The following DDO variants were observed in gnomAD, a reference collection of about 807,000 sequenced individuals.
DDO encodes D-aspartate oxidase.
A neutral mutation model predicts 16.8 loss-of-function variants in DDO; 16 were observed. That is an observed-to-expected ratio of 0.95 (90% CI 0.65 to 1.45). The LOEUF is 1.45. Among genes scored for constraint, DDO ranks in the 40% most tolerant of loss-of-function variants. The pLI is 0.00. For missense variants in DDO, 429 were observed against 420.3 expected, an observed-to-expected ratio of 1.02 and a Z score of -0.18; for synonymous variants, 180 against 167.2, an observed-to-expected ratio of 1.08 and a Z score of -0.59.
At position 110,411,940 on chromosome 6, in the gene DDO, G is replaced by T. The variant is rs560382070; in HGVS notation, c.172+1351C>A. ...GTGGAAAATACAGAAAGGAAAGGAC[G>T]CATGGACATGTTCAAAAATCAATGC... On this transcript the variant is annotated intron_variant, in intron 2 of 4. Coordinates refer to ENST00000368924, the MANE Select transcript of DDO (RefSeq NM_001372108.2). Among the ~76,000 whole-genome samples the T allele has an allele frequency of 1.8e-4, 28 of 152,226 alleles. 1 individual carries two copies. In the South Asian group the frequency reaches 5.4e-3, roughly 29 times the overall value.
intron 2 of DDO, 76 bp from the exon 3 acceptor site, chr6:110,408,518 C>A: frequency 1.5e-6 from 2 of 1,346,698 alleles, no homozygotes; most frequent in Admixed American, 2.2e-5. Context: ...TAAGCTCCTT[C>A]CTAGAAACTT....
At chr6:110,414,419 G>A (rs1229007166) in intron 1 of DDO, among the ~76,000 whole-genome samples, 2 of 152,198 alleles carry the variant, frequency 1.3e-5, no homozygotes, top group Non-Finnish European at 2.9e-5. Flanking sequence ...TCCTTTGGGT[G>A]GTAAATAAGA....
chr6:110,412,200 G>C (rs1773881529), intron 2 of DDO, among the ~76,000 whole-genome samples: 1 of 151,676 alleles, frequency 6.6e-6, no homozygotes, highest in Non-Finnish European at 1.5e-5. Context: ...GAGTCAGTGA[G>C]CCAGGATCGT....
chr6:110,390,995 G>A (rs1386346530), downstream of DDO, among the ~76,000 whole-genome samples: 1 of 152,142 alleles, frequency 6.6e-6, no homozygotes, highest in Non-Finnish European at 1.5e-5. Context: ...ATTTTTGAAT[G>A]TACCAATGTA....
Position 110,404,777 on chromosome 6 carries a change from T to C in DDO, c.455A>G (p.Lys152Arg), listed in dbSNP as rs752702423. 1.2e-6 allele frequency: 2 copies of C among 1,613,938 alleles called. No homozygotes were observed. Among genetic ancestry groups the C allele is most frequent in the Admixed American group, 3.3e-5 (2 of 59,988 alleles). The change falls in exon 4 of 5, where the codon AAA (lysine) becomes AGA (arginine). Residue 152 changes from lysine to arginine, a missense_variant. Physicochemically the swap from Lys to Arg is conservative, Grantham distance 26. Transcript: ENST00000368924. ...ECPAYLPWLEKRIKGSGGWTL... is the reference protein window; with the variant it reads ...ECPAYLPWLERRIKGSGGWTL... The stretch of plus-strand genomic sequence containing the variant: ...ATCAGGGAGCATTTCAACTGACCTT[T>C]TCTCCAACCACGGGAGGTAGGCAGG...
intron 4 of DDO, among the ~76,000 whole-genome samples, chr6:110,403,175 A>G (rs1229903926): frequency 6.6e-6 from 1 of 152,120 alleles, no homozygotes; most frequent in Non-Finnish European, 1.5e-5. Flanking sequence ...AAACTCTGCC[A>G]TTTTTTGCCA....
chr6:110,410,254 T>C (rs1034708027), intron 2 of DDO, among the ~76,000 whole-genome samples: 4 of 152,292 alleles, frequency 2.6e-5, no homozygotes, highest in Non-Finnish European at 5.9e-5. Context: ...AAAGAGACAG[T>C]TCTGGCCTCG....
rs73763055 is a variant in DDO, at chr6:110,399,868, C to A, written c.458+4906G>T. On this transcript the variant is annotated intron_variant, in intron 4 of 4. Coordinates refer to ENST00000368924, the MANE Select transcript of DDO (RefSeq NM_001372108.2). Reference sequence around the variant, plus strand: ...ACTCACATCTCAGCCGCCTTCCTGGCGGGCACGCGTATCAAACAAACGGAC... The same window carrying A: ...ACTCACATCTCAGCCGCCTTCCTGGAGGGCACGCGTATCAAACAAACGGAC... Among the ~76,000 whole-genome samples the A allele has an allele frequency of 7.4e-3, 1,121 of 152,316 alleles. 7 individuals carry two copies. The highest frequency in any genetic ancestry group is 0.024 in the African/African-American group (1,016 of 41,586).
chr6:110,400,031 TGCC>T (rs1156850394), intron 4 of DDO, among the ~76,000 whole-genome samples: 4 of 152,136 alleles, frequency 2.6e-5, no homozygotes, highest in African/African-American at 9.7e-5. Flanking sequence ...CCGATGGCGT[TGCC>T]GTCCTCGCAG....
At chr6:110,404,147 A>T (rs907335540) in intron 4 of DDO, among the ~76,000 whole-genome samples, 1 of 152,224 alleles carries the variant, frequency 6.6e-6, no homozygotes, top group Non-Finnish European at 1.5e-5. Flanking sequence ...TCAAATGAAG[A>T]TACTCTTGAT....
intron 3 of DDO, among the ~76,000 whole-genome samples, chr6:110,405,235 A>G (rs1486204670): frequency 1.3e-5 from 2 of 152,176 alleles, no homozygotes; most frequent in African/African-American, 2.4e-5. Context: ...CCAGCGTCTT[A>G]CTATGTTGCC....
In DDO at chr6:110,392,892, G is replaced by C; in HGVS notation, c.909C>G (p.His303Gln). ...AGATGCCCCCACTCCCATGGCCATA[G>C]TGGTGGACTACAGGCAGCCTCTGTC... Reference protein sequence around the residue: ...RDGQRLPVVHHYGHGSGGISV... With the variant: ...RDGQRLPVVHQYGHGSGGISV... Residue 303 changes from histidine to glutamine, a missense_variant, in exon 5 of 5, where the codon CAC becomes CAG. By Grantham distance (24) the His-to-Gln change is conservative (BLOSUM62 0). Coordinates refer to ENST00000368924, the MANE Select transcript of DDO (RefSeq NM_001372108.2). 6.2e-7 allele frequency: 1 copy of C among 1,614,224 alleles called. No homozygotes were observed. Among genetic ancestry groups the C allele is most frequent in the Non-Finnish European group, 8.5e-7 (1 of 1,180,040 alleles).
In DDO at chr6:110,392,776, T is replaced by G. The variant is rs1211718888; in HGVS notation, c.1025A>C (p.Ter342SerextTer3). 6.5e-7 allele frequency: 1 copy of G among 1,544,766 alleles called. No homozygotes were observed. Among genetic ancestry groups the G allele is most frequent in the Non-Finnish European group, 8.7e-7 (1 of 1,145,110 alleles). ...LRTPIPKSNL* is the reference protein window; with the variant it reads ...LRTPIPKSNLS Reference sequence around the variant, plus strand: ...CTCTTTGCTGTCATTTTATGTCATCTACAGGTTTGACTTGGGAATGGGGGT... The same window carrying G: ...CTCTTTGCTGTCATTTTATGTCATCGACAGGTTTGACTTGGGAATGGGGGT... The change falls in exon 5 of 5, where the codon TAG (stop) becomes TCG (serine). Residue 342 changes from the stop codon to serine (S), a stop_lost. Transcript: ENST00000368924.
chr6:110,393,240 G>A lies in DDO; in HGVS notation c.561C>T (p.Ser187=), dbSNP rs763640093. 1.3e-5 allele frequency: 21 copies of A among 1,614,224 alleles called. No individual in the cohort carries two copies. In the South Asian group the frequency reaches 2.3e-4, roughly 18 times the overall value. ...DIVVNCSGLG[S]RQLAGDSKIF... ...TCTTTGAGTCTCCTGCAAGCTGTCT[G>A]CTTCCAAGGCCTGAACAGTTGACCA... Residue 187 remains serine, a synonymous_variant, in exon 5 of 5, where the codon AGC becomes AGT. Transcript: ENST00000368924.
Position 110,392,955 on chromosome 6 carries a change from T to C in DDO, c.846A>G (p.Pro282=), listed in dbSNP as rs780642621. 1 of 1,614,088 alleles carries C rather than the reference T, an allele frequency of 6.2e-7. No homozygotes were observed. The highest frequency in any genetic ancestry group is 2.2e-5 in the East Asian group (1 of 44,880). ...REKVGLRPYR[P]GVRLQTELLA... The stretch of plus-strand genomic sequence containing the variant: ...GGAGCTCTGTCTGCAGTCGCACGCC[T>C]GGCCTGTAGGGCCTCAAGCCCACCT... The change falls in exon 5 of 5, where the codon CCA becomes CCG. Residue 282 remains proline, a synonymous_variant. Coordinates refer to ENST00000368924, the MANE Select transcript of DDO (RefSeq NM_001372108.2).
chr6:110,399,322 G>A (rs1318164053), intron 4 of DDO, among the ~76,000 whole-genome samples: 1 of 152,242 alleles, frequency 6.6e-6, no homozygotes, highest in Non-Finnish European at 1.5e-5. Context: ...AGCCATTGCT[G>A]TGTGGCTTGC....
intron 4 of DDO, among the ~76,000 whole-genome samples, chr6:110,401,337 T>A (rs1340752809): frequency 6.6e-6 from 1 of 152,140 alleles, no homozygotes; most frequent in African/African-American, 2.4e-5. Flanking sequence ...TAAATTTAAA[T>A]TGTGGCATTG....
At chr6:110,413,209 G>A in intron 2 of DDO, 82 bp downstream of exon 2, 11 of 1,492,678 alleles carry the variant, frequency 7.4e-6, no homozygotes, top group Non-Finnish European at 4.6e-6. Flanking sequence ...CCTATAGCCA[G>A]CTGTCTTTTG....
At chr6:110,412,458 C>T (rs1267768246) in intron 2 of DDO, among the ~76,000 whole-genome samples, 1 of 152,198 alleles carries the variant, frequency 6.6e-6, no homozygotes, top group Non-Finnish European at 1.5e-5. Flanking sequence ...GTTGTCAGTA[C>T]TGTTCATCCC....
Sources: allele counts gnomAD v4.1 joint callset (sites outside exome capture counted in the v4.1 genomes callset), GRCh38; gene constraint gnomAD v4.1.1; transcripts MANE v1.5; gene names NCBI Gene and HGNC (gene_info 2026-07-23, HGNC 2026-07-21).